CMSS1: variants seen among roughly 807,000 people sequenced by gnomAD.
The protein encoded by CMSS1 is cms1 ribosomal small subunit homolog, also known as protein CMSS1.
A neutral mutation model predicts 43.5 loss-of-function variants in CMSS1; 33 were observed. That is an observed-to-expected ratio of 0.76 (90% CI 0.57 to 1.01). The LOEUF (loss-of-function observed/expected upper bound fraction) is 1.01, where lower values mean the gene tolerates loss of function less well. Among genes scored for constraint, CMSS1 ranks in the 50% least tolerant of loss-of-function variants. The pLI is 0.00. For synonymous variants in CMSS1, 115 were observed against 117.2 expected (o/e 0.98, Z 0.12); for missense variants, 313 against 326.4 (o/e 0.96, Z 0.32).
At chr3:99,834,372 T>C (rs1325166958) in intron 1 of CMSS1, among the ~76,000 whole-genome samples, 1 of 152,228 alleles carries the variant, frequency 6.6e-6, no homozygotes, top group Non-Finnish European at 1.5e-5. Flanking sequence ...GGTGCCTTTA[T>C]TCTGTAATGT....
chr3:100,103,812 T>C (rs1415516744), intron 1 of CMSS1, among the ~76,000 whole-genome samples: 1 of 152,326 alleles, frequency 6.6e-6, no homozygotes, highest in African/African-American at 2.4e-5. Context: ...AAGATAAATC[T>C]GTCTGTGTTA....
intron 1 of CMSS1, among the ~76,000 whole-genome samples, chr3:100,063,399 T>C (rs1232755541): frequency 2.0e-5 from 3 of 152,186 alleles, no homozygotes; most frequent in African/African-American, 2.4e-5. Context: ...ATTGTATTCT[T>C]CTTGGTGTAA....
chr3:99,971,769 C>T lies in CMSS1; in HGVS notation c.64+153726C>T, dbSNP rs544142797. On this transcript the variant is annotated intron_variant, in intron 1 of 9. Coordinates refer to ENST00000421999, the MANE Select transcript of CMSS1 (RefSeq NM_032359.4). ...TCAAACTTCTGAAAGGAGTCCTCTCCCTGCAACACCATTCCCATAAAAGAG... is the reference window on the plus strand; with the variant it reads ...TCAAACTTCTGAAAGGAGTCCTCTCTCTGCAACACCATTCCCATAAAAGAG... Among the ~76,000 whole-genome samples, 6 of 152,294 alleles carry T rather than the reference C, an allele frequency of 3.9e-5. No homozygotes were observed. The South Asian group carries it at 1.0e-3, about 26-fold the overall frequency.
chr3:100,138,353 A>AGATCTAACTAGATCTAATTAGATCT (rs2066772896), intron 1 of CMSS1, among the ~76,000 whole-genome samples: 1 of 152,236 alleles, frequency 6.6e-6, no homozygotes, highest in Non-Finnish European at 1.5e-5. Flanking sequence ...AGATCTAATT[A>AGATCTAACTAGATCTAATTAGATCT]AACTAAAGAG....
chr3:100,178,042 C>T (rs918285686), intron 9 of CMSS1, among the ~76,000 whole-genome samples: 6 of 152,138 alleles, frequency 3.9e-5, no homozygotes, highest in Non-Finnish European at 8.8e-5. Context: ...TCACTTGAAC[C>T]TGGGAAGCAG....
At chr3:100,166,746 A>G (rs79339166) in intron 5 of CMSS1, among the ~76,000 whole-genome samples, 119 of 152,112 alleles carry the variant, frequency 7.8e-4, no homozygotes, top group African/African-American at 2.6e-3. Flanking sequence ...ATTTTTTGGG[A>G]GGCTGGAGAG....
At chr3:99,952,843 CA>C (rs1708216038) in intron 1 of CMSS1, among the ~76,000 whole-genome samples, 1 of 152,086 alleles carries the variant, frequency 6.6e-6, no homozygotes, top group African/African-American at 2.4e-5. Flanking sequence ...AGGATAATTT[CA>C]ATCTTTATAT....
Position 99,900,969 on chromosome 3 carries a change from T to A in CMSS1, c.64+82926T>A, listed in dbSNP as rs1403414702. Among the ~76,000 whole-genome samples, 11 of 152,272 alleles carry A rather than the reference T, an allele frequency of 7.2e-5. No individual in the cohort carries two copies. In the South Asian group the frequency reaches 1.2e-3, roughly 17 times the overall value. On this transcript the variant is annotated intron_variant, in intron 1 of 9. Transcript: ENST00000421999. ...GTAGTAGGATCTGGACCCTGGAGAA[T>A]CCAGGAGTTGAAACTCAAGCCAGTT...
chr3:100,153,398 G>A lies in CMSS1; in HGVS notation c.153+6337G>A, dbSNP rs2066939788. ...GTATTTCACTTCTTTTTATCGCTGA[G>A]CACATTAAGTCTGCTAGGGCTGCCA... On this transcript the variant is annotated intron_variant, in intron 2 of 9. Coordinates refer to ENST00000421999, the MANE Select transcript of CMSS1 (RefSeq NM_032359.4). 2.6e-5 allele frequency among the ~76,000 whole-genome samples: 4 copies of A among 152,162 alleles called. No individual in the cohort carries two copies. In the South Asian group the frequency reaches 8.3e-4, roughly 32 times the overall value.
intron 1 of CMSS1, among the ~76,000 whole-genome samples, chr3:100,028,711 T>A (rs902032426): frequency 1.3e-5 from 2 of 152,210 alleles, no homozygotes. Flanking sequence ...ATTTATCCAG[T>A]TAGAAAATAA....
intron 1 of CMSS1, among the ~76,000 whole-genome samples, chr3:100,078,743 T>C (rs62285469): frequency 0.092 from 13,949 of 151,874 alleles, 797 homozygotes; most frequent in African/African-American, 0.15. Context: ...ATACAAAAAT[T>C]AGCCGAGCAT....
At chr3:99,860,593 A>G (rs914226907) in intron 1 of CMSS1, among the ~76,000 whole-genome samples, 3 of 152,172 alleles carry the variant, frequency 2.0e-5, no homozygotes, top group African/African-American at 4.8e-5. Flanking sequence ...AGGCAGCTAC[A>G]AGGAGAATAT....
At chr3:100,165,360 T>C (rs1417802663) in intron 4 of CMSS1, among the ~76,000 whole-genome samples, 1 of 152,204 alleles carries the variant, frequency 6.6e-6, no homozygotes, top group Non-Finnish European at 1.5e-5. Context: ...TTATGTTGTG[T>C]TGTATTTTGA....
intron 1 of CMSS1, among the ~76,000 whole-genome samples, chr3:99,913,743 G>T (rs1706866221): frequency 1.3e-5 from 2 of 152,314 alleles, no homozygotes; most frequent in African/African-American, 4.8e-5. Flanking sequence ...GCGTGACCCT[G>T]AAGCATATAT....
At chr3:99,978,605 G>A (rs561754788) in intron 1 of CMSS1, among the ~76,000 whole-genome samples, 22 of 152,294 alleles carry the variant, frequency 1.4e-4, no homozygotes, top group African/African-American at 5.3e-4. Flanking sequence ...ATAGAAGTAG[G>A]GAGTAGAGGC....
chr3:100,064,999 C>G (rs1456036508), intron 1 of CMSS1, among the ~76,000 whole-genome samples: 2 of 152,178 alleles, frequency 1.3e-5, no homozygotes, highest in Admixed American at 1.3e-4. Context: ...TAACAAAACA[C>G]TATGCTAGGC....
chr3:99,823,483 C>T (rs1052684482), intron 1 of CMSS1, among the ~76,000 whole-genome samples: 2 of 152,132 alleles, frequency 1.3e-5, no homozygotes, highest in Non-Finnish European at 2.9e-5. Flanking sequence ...TTTTTTCACC[C>T]CTATATCTCA....
In CMSS1 at chr3:99,917,401, T is replaced by C. The variant is rs1324945801; in HGVS notation, c.64+99358T>C. ...ACACCAGGCACATAGTTTGAGTACC[T>C]AGGAATGATTCTAGGGATATTCTCT... On this transcript the variant is annotated intron_variant, in intron 1 of 9. Coordinates refer to ENST00000421999, the MANE Select transcript of CMSS1 (RefSeq NM_032359.4). Among the ~76,000 whole-genome samples the C allele has an allele frequency of 5.3e-5, 8 of 152,322 alleles. No individual in the cohort carries two copies. In the East Asian group the frequency reaches 1.5e-3, roughly 29 times the overall value.
Position 99,955,333 on chromosome 3 carries a change from C to T in CMSS1, c.64+137290C>T, listed in dbSNP as rs534008746. Among the ~76,000 whole-genome samples the T allele has an allele frequency of 3.4e-4, 51 of 152,154 alleles. 1 individual carries two copies. The South Asian group carries it at 9.8e-3, about 29-fold the overall frequency. On this transcript the variant is annotated intron_variant, in intron 1 of 9. Coordinates refer to ENST00000421999, the MANE Select transcript of CMSS1 (RefSeq NM_032359.4). The stretch of plus-strand genomic sequence containing the variant: ...GACAAGGAGTATAAACAGAGACCTA[C>T]GGAATATTTGTTTCTCATGGAAAGA...
Sources: allele counts gnomAD v4.1 joint callset (sites outside exome capture counted in the v4.1 genomes callset), GRCh38; gene constraint gnomAD v4.1.1; transcripts MANE v1.5; gene names NCBI Gene and HGNC (gene_info 2026-07-23, HGNC 2026-07-21).